RANBP2: variants seen among roughly 807,000 people sequenced by gnomAD.
RANBP2 encodes the protein E3 SUMO-protein ligase RanBP2.
In RANBP2, 57 loss-of-function variants were observed where a neutral mutation model predicts 303.6. The ratio of observed to expected loss-of-function variants is 0.19; its 90% CI spans 0.15 to 0.23. RANBP2 has a LOEUF of 0.23. RANBP2 is among the 10% of genes least tolerant of loss of function. RANBP2 has a pLI of 1.00. For synonymous variants in RANBP2, 1,167 were observed against 1,301.5 expected, an observed-to-expected ratio of 0.90 and a Z score of 2.23; for missense variants, 3,138 against 3,780.8, an observed-to-expected ratio of 0.83 and a Z score of 4.46.
chr2:108,737,955 C>G (rs1297222664), intron 6 of RANBP2, among the ~76,000 whole-genome samples: 1 of 151,862 alleles, frequency 6.6e-6, no homozygotes, highest in Non-Finnish European at 1.5e-5. Flanking sequence ...ACCTCGTGAT[C>G]TGCCCTCCTC....
At chr2:109,313,806 C>T in the RANBP2 span, among the ~76,000 whole-genome samples, 1 of 152,172 alleles carries the variant, frequency 6.6e-6, no homozygotes, top group African/African-American at 2.4e-5. Flanking sequence ...ATGAGTGAAA[C>T]AGAGGGGCTT....
the RANBP2 span, among the ~76,000 whole-genome samples, chr2:109,484,283 T>G: frequency 6.6e-6 from 1 of 152,106 alleles, no homozygotes; most frequent in African/African-American, 2.4e-5. Context: ...GCCAGGCTGG[T>G]CTCGAACTCC....
chr2:109,521,752 C>A, the RANBP2 span, among the ~76,000 whole-genome samples: 5 of 152,208 alleles, frequency 3.3e-5, no homozygotes, highest in African/African-American at 1.2e-4. Flanking sequence ...AGGGTGGAGT[C>A]CCCTGAGCAA....
At chr2:108,888,832 T>G in the RANBP2 span, among the ~76,000 whole-genome samples, 1 of 152,022 alleles carries the variant, frequency 6.6e-6, no homozygotes, top group African/African-American at 2.4e-5. Flanking sequence ...TTATTTCTTT[T>G]TGTCTATTTT....
chr2:109,427,948 T>G, the RANBP2 span, among the ~76,000 whole-genome samples: 1 of 152,178 alleles, frequency 6.6e-6, no homozygotes, highest in South Asian at 2.1e-4. Flanking sequence ...TCTGCACTCA[T>G]CCTCGCCCTG....
the RANBP2 span, among the ~76,000 whole-genome samples, chr2:109,659,557 C>G: frequency 6.6e-6 from 1 of 152,168 alleles, no homozygotes; most frequent in Non-Finnish European, 1.5e-5. Flanking sequence ...GTGGGTGGGA[C>G]AGATGGTGGG....
chr2:109,522,126 T>C, the RANBP2 span, among the ~76,000 whole-genome samples: 1 of 152,122 alleles, frequency 6.6e-6, no homozygotes, highest in African/African-American at 2.4e-5. Flanking sequence ...AAATTGAGCC[T>C]CCTACCAGTT....
At chr2:108,995,601 A>C in the RANBP2 span, among the ~76,000 whole-genome samples, 8 of 152,182 alleles carry the variant, frequency 5.3e-5, no homozygotes, top group Admixed American at 1.3e-4. Context: ...TCCAGCAGGA[A>C]TCTCCCAGCT....
chr2:109,432,151 G>C, the RANBP2 span, among the ~76,000 whole-genome samples: 12 of 152,206 alleles, frequency 7.9e-5, no homozygotes, highest in Non-Finnish European at 1.3e-4. Flanking sequence ...CCAAAGAGCT[G>C]GCCCTGGGAT....
chr2:109,390,482 T>C, the RANBP2 span, among the ~76,000 whole-genome samples: 1 of 151,702 alleles, frequency 6.6e-6, no homozygotes, highest in Non-Finnish European at 1.5e-5. Context: ...CAGGTCTTAA[T>C]ACTGAAATGA....
At chr2:109,290,420 G>A in the RANBP2 span, among the ~76,000 whole-genome samples, 2 of 152,152 alleles carry the variant, frequency 1.3e-5, no homozygotes, top group African/African-American at 4.8e-5. Context: ...TGCCACACAC[G>A]AACACACACA....
chr2:108,883,315 TAAG>T, the RANBP2 span: 1 of 152,210 alleles, frequency 6.6e-6, no homozygotes, highest in African/African-American at 2.4e-5. Flanking sequence ...GTCAGTTCTG[TAAG>T]ATGAAGATGG....
chr2:109,507,386 C>T, the RANBP2 span, among the ~76,000 whole-genome samples: 2 of 152,208 alleles, frequency 1.3e-5, no homozygotes, highest in African/African-American at 4.8e-5. Context: ...GGGTTCCCTT[C>T]ACTTCTCAAA....
chr2:109,016,671 A>G, the RANBP2 span, among the ~76,000 whole-genome samples: 1 of 152,208 alleles, frequency 6.6e-6, no homozygotes, highest in Admixed American at 6.5e-5. Flanking sequence ...GCAGGGAGGC[A>G]GGATTGGCCC....
At chr2:109,303,460 A>G in the RANBP2 span, among the ~76,000 whole-genome samples, 1 of 152,184 alleles carries the variant, frequency 6.6e-6, no homozygotes, top group Admixed American at 6.5e-5. Flanking sequence ...ATGGCAGAAC[A>G]CTAAGAAGAT....
the RANBP2 span, among the ~76,000 whole-genome samples, chr2:109,183,619 T>G: frequency 6.6e-6 from 1 of 152,008 alleles, no homozygotes. Flanking sequence ...AATGAGAAAT[T>G]AACTTCTTTT....
At chr2:109,149,133 C>T in the RANBP2 span, among the ~76,000 whole-genome samples, 1 of 152,172 alleles carries the variant, frequency 6.6e-6, no homozygotes, top group Non-Finnish European at 1.5e-5. Context: ...GGGAGCCAAG[C>T]TGAGACTGGC....
At chr2:109,637,341 G>A in the RANBP2 span, among the ~76,000 whole-genome samples, 1 of 152,164 alleles carries the variant, frequency 6.6e-6, no homozygotes, top group East Asian at 1.9e-4. Context: ...GGGCAGGCAG[G>A]AGACAGTGGC....
At chr2:109,545,485 A>AT in the RANBP2 span, 1 of 1,536,114 alleles carries the variant, frequency 6.5e-7, no homozygotes, top group Non-Finnish European at 8.7e-7. Flanking sequence ...TACGTCCACC[A>AT]TTGGTTTCAC....
Sources: gnomAD v4.1 joint callset for allele counts (sites outside exome capture counted in the v4.1 genomes callset) on GRCh38, gnomAD v4.1.1 for gene constraint, MANE v1.5 for transcripts, NCBI Gene and HGNC (gene_info 2026-07-23, HGNC 2026-07-21) for gene names.